The following FARP1 variants were observed in gnomAD, a reference collection of about 807,000 sequenced individuals.
FARP1 encodes FERM, ARH/RhoGEF and pleckstrin domain protein 1.
FARP1 carries 52 observed loss-of-function variants against 128.8 expected under a neutral mutation model. That is an observed-to-expected ratio of 0.40 (90% CI 0.32 to 0.51). The LOEUF (loss-of-function observed/expected upper bound fraction) is 0.51. Among genes scored for constraint, FARP1 ranks in the 20% least tolerant of loss-of-function variants. The pLI is 0.45. For missense variants in FARP1, 1,333 were observed against 1,367.9 expected (o/e 0.97, Z 0.40); for synonymous variants, 580 against 551.8 (o/e 1.05, Z -0.72).
chr13:98,318,717 GTCTGCCT>G (rs1886852258), intron 2 of FARP1, among the ~76,000 whole-genome samples: 1 of 152,194 alleles, frequency 6.6e-6, no homozygotes, highest in Non-Finnish European at 1.5e-5. Context: ...CCACCCAGCA[GTCTGCCT>G]TCTCTTTGAT....
In FARP1 at chr13:98,385,714, G is replaced by A. The variant is rs780967752; in HGVS notation, c.659G>A (p.Arg220His). 9 of 1,614,048 alleles carry A rather than the reference G, an allele frequency of 5.6e-6. No individual in the cohort carries two copies. The highest frequency in any genetic ancestry group is 4.0e-5 in the African/African-American group (3 of 74,918). Residue 220 changes from arginine to histidine, a missense_variant, in exon 8 of 27, where the codon CGT becomes CAT. Arg to His is a conservative substitution (Grantham distance 29). Coordinates refer to ENST00000319562, the MANE Select transcript of FARP1 (RefSeq NM_005766.4). ...ESDFQLLEIARRLEMYGIRLH... is the reference protein window; with the variant it reads ...ESDFQLLEIAHRLEMYGIRLH... The stretch of plus-strand genomic sequence containing the variant: ...GATTTCCAGCTCCTAGAGATTGCCC[G>A]TCGGCTAGAGATGTATGGAATCCGG...
intron 3 of FARP1, among the ~76,000 whole-genome samples, chr13:98,352,706 G>A (rs1888486159): frequency 1.3e-5 from 2 of 152,204 alleles, no homozygotes; most frequent in African/African-American, 4.8e-5. Flanking sequence ...TTCTTCCTGA[G>A]ACACCACGTT....
In FARP1 at chr13:98,320,668, C is replaced by G. The variant is rs545923912; in HGVS notation, c.172-23094C>G. Among the ~76,000 whole-genome samples, 3 of 152,312 alleles carry G rather than the reference C, an allele frequency of 2.0e-5. No individual in the cohort carries two copies. In the East Asian group the frequency reaches 5.8e-4, roughly 29 times the overall value. The stretch of plus-strand genomic sequence containing the variant: ...GTTGGAATTTAAATTGTAAACAAAA[C>G]TGTTTTAAAGCATTTATTCTGAACA... On this transcript the variant is annotated intron_variant, in intron 2 of 26. Coordinates refer to ENST00000319562, the MANE Select transcript of FARP1 (RefSeq NM_005766.4).
At chr13:98,158,209 C>CA (rs1464581940) in intron 1 of FARP1, among the ~76,000 whole-genome samples, 2 of 151,900 alleles carry the variant, frequency 1.3e-5, no homozygotes, top group East Asian at 3.9e-4. Context: ...ATGTTATTTA[C>CA]AATGAGAAGA....
At chr13:98,421,249 A>T (rs930139789) in intron 16 of FARP1, among the ~76,000 whole-genome samples, 2 of 152,244 alleles carry the variant, frequency 1.3e-5, no homozygotes, top group African/African-American at 4.8e-5. Flanking sequence ...AAGCTTTAAC[A>T]TCAGTAGATA....
intron 19 of FARP1, among the ~76,000 whole-genome samples, chr13:98,437,366 T>C (rs550921857): frequency 6.6e-6 from 1 of 152,192 alleles, no homozygotes; most frequent in East Asian, 1.9e-4. Context: ...GATCAGTGAT[T>C]ATCTGAGGCT....
chr13:98,271,041 T>C (rs1382412686), intron 2 of FARP1, among the ~76,000 whole-genome samples: 1 of 152,158 alleles, frequency 6.6e-6, no homozygotes, highest in Non-Finnish European at 1.5e-5. Flanking sequence ...ATGAAGACGA[T>C]TATACATTTT....
chr13:98,440,264 G>A (rs1481964969), intron 23 of FARP1, 29 bp downstream of exon 23: 1 of 1,526,842 alleles, frequency 6.5e-7, no homozygotes, highest in African/African-American at 1.4e-5. Context: ...GCTTTCCCAT[G>A]CAGGGGTCTG....
intron 1 of FARP1, among the ~76,000 whole-genome samples, chr13:98,156,715 T>C (rs938349427): frequency 6.6e-6 from 1 of 151,938 alleles, no homozygotes; most frequent in African/African-American, 2.4e-5. Flanking sequence ...ATAATCTGGG[T>C]TTTTTAAATT....
At chr13:98,158,974 G>A (rs1043792931) in intron 1 of FARP1, among the ~76,000 whole-genome samples, 12 of 152,186 alleles carry the variant, frequency 7.9e-5, no homozygotes, top group Non-Finnish European at 1.8e-4. Context: ...TTTTGGGCCA[G>A]GAAGGTTCAT....
At chr13:98,146,866 C>G (rs1241027692) in intron 1 of FARP1, among the ~76,000 whole-genome samples, 1 of 152,164 alleles carries the variant, frequency 6.6e-6, no homozygotes, top group Non-Finnish European at 1.5e-5. Context: ...AGCAGCGGAT[C>G]AACTTCTTTT....
rs34250002 is a variant in FARP1 at position 98,151,660 on chromosome 13, C to CTTTTTTTTTTTTTTTTTTTTTTTTTTTT, written c.-24+8187_-24+8188insTTTTTTTTTTTTTTTTTTTTTTTTTTTT. ...AAACCTGCCCTTATATATCTTCCAT[C>CTTTTTTTTTTTTTTTTTTTTTTTTTTTT]TTTTTTTTTTTTTTTTTTTGAGACG... On this transcript the variant is annotated intron_variant, in intron 1 of 26. Coordinates refer to ENST00000319562, the MANE Select transcript of FARP1 (RefSeq NM_005766.4). Among the ~76,000 whole-genome samples the CTTTTTTTTTTTTTTTTTTTTTTTTTTTT allele has an allele frequency of 1.7e-4, 12 of 69,224 alleles. 3 individuals carry two copies. Among genetic ancestry groups the CTTTTTTTTTTTTTTTTTTTTTTTTTTTT allele is most frequent in the Admixed American group, 2.9e-4 (1 of 3,424 alleles). The allele number at this position is 69,224 out of a possible 152,430, so 45.4% of individuals were successfully genotyped here.
rs568233528 is a variant in FARP1 at position 98,226,705 on chromosome 13, A to G, written c.171+13292A>G. ...GAGGAGACCAGAACTCTTAAATCAC[A>G]TGTATGTGTACTTGGAATTAGAACT... On this transcript the variant is annotated intron_variant, in intron 2 of 26. Coordinates refer to ENST00000319562, the MANE Select transcript of FARP1 (RefSeq NM_005766.4). Among the ~76,000 whole-genome samples, 32 of 152,300 alleles carry G rather than the reference A, an allele frequency of 2.1e-4. 1 individual carries two copies. The South Asian group carries it at 6.4e-3, about 31-fold the overall frequency.
chr13:98,409,628 T>C, intron 14 of FARP1, 103 bp downstream of exon 14: 3 of 1,063,734 alleles, frequency 2.8e-6, no homozygotes, highest in Non-Finnish European at 3.9e-6. Flanking sequence ...AAAGGTACCA[T>C]GTGAGCCATT....
At chr13:98,188,845 C>T (rs1170270023) in intron 1 of FARP1, among the ~76,000 whole-genome samples, 4 of 152,202 alleles carry the variant, frequency 2.6e-5, no homozygotes, top group Non-Finnish European at 4.4e-5. Context: ...ACATCCGAGG[C>T]TCACCGTATG....
intron 2 of FARP1, among the ~76,000 whole-genome samples, chr13:98,224,527 A>G (rs1207618213): frequency 0.011 from 539 of 48,842 alleles, 4 homozygotes; most frequent in African/African-American, 0.03. Context: ...ACTCTGTCTC[A>G]AAAAAAAAAA....
At chr13:98,198,176 G>T (rs1189555377) in intron 1 of FARP1, among the ~76,000 whole-genome samples, 9 of 152,146 alleles carry the variant, frequency 5.9e-5, no homozygotes, top group Admixed American at 5.9e-4. Flanking sequence ...GCTATAAAGG[G>T]GCTTGTCTGA....
intron 17 of FARP1, among the ~76,000 whole-genome samples, chr13:98,427,902 G>T (rs1891847151): frequency 6.6e-6 from 1 of 152,122 alleles, no homozygotes; most frequent in African/African-American, 2.4e-5. Context: ...AAGTTAGTTG[G>T]GGTTTTTTTT....
intron 2 of FARP1, among the ~76,000 whole-genome samples, chr13:98,278,443 T>G (rs1884776470): frequency 6.6e-6 from 1 of 151,808 alleles, no homozygotes; most frequent in African/African-American, 2.4e-5. Context: ...TGTGAGAATG[T>G]GTGTGAGACA....
Sources: gnomAD v4.1 joint callset for allele counts (sites outside exome capture counted in the v4.1 genomes callset) on GRCh38, gnomAD v4.1.1 for gene constraint, MANE v1.5 for transcripts, NCBI Gene and HGNC (gene_info 2026-07-23, HGNC 2026-07-21) for gene names.